The following CCDC85C variants were observed in gnomAD, a reference collection of about 807,000 sequenced individuals.
CCDC85C encodes coiled-coil domain containing 85C.
In CCDC85C, 18 loss-of-function variants were observed where a neutral mutation model predicts 38.3. The observed-to-expected ratio is 0.47, with a 90% CI of 0.33 to 0.70. CCDC85C has a LOEUF of 0.70. CCDC85C is among the 30% of genes least tolerant of loss of function. The pLI is 0.03. For missense variants in CCDC85C, 566 were observed against 621.2 expected (o/e 0.91, Z 0.94); for synonymous variants, 264 against 293.8 (o/e 0.90, Z 1.04).
intron 1 of CCDC85C, among the ~76,000 whole-genome samples, chr14:99,584,444 C>T (rs923499305): frequency 2.0e-4 from 30 of 152,094 alleles, no homozygotes; most frequent in African/African-American, 7.0e-4. Context: ...GCAGGCCACT[C>T]GGAGCACACA....
Position 99,540,854 on chromosome 14 carries a change from C to T in CCDC85C, c.794-4766G>A, listed in dbSNP as rs191484482. On this transcript the variant is annotated intron_variant, in intron 1 of 5. Coordinates refer to ENST00000380243, the MANE Select transcript of CCDC85C (RefSeq NM_001144995.2). ...AGCATGGTGGGGGGAGTCACAGAGC[C>T]TGCAGGTCTGCCAAGCCCTCCCCAT... is the stretch of plus-strand genomic sequence containing the variant. 6.7e-3 allele frequency among the ~76,000 whole-genome samples: 1,024 copies of T among 152,288 alleles called. 6 individuals carry two copies. Among genetic ancestry groups the T allele is most frequent in the African/African-American group, 0.023 (968 of 41,542 alleles).
chr14:99,586,404 G>C (rs1228724352), intron 1 of CCDC85C, among the ~76,000 whole-genome samples: 1 of 152,222 alleles, frequency 6.6e-6, no homozygotes, highest in Non-Finnish European at 1.5e-5. Flanking sequence ...AAAGGTCCAG[G>C]GTGCTGAATC....
rs1258908766 is a variant in CCDC85C at position 99,522,254 on chromosome 14, AAGG to A, written c.868-17_868-15del. On this transcript the variant is annotated splice_polypyrimidine_tract_variant and intron_variant, in intron 2 of 5. Coordinates refer to ENST00000380243, the MANE Select transcript of CCDC85C (RefSeq NM_001144995.2). ...GGAGCCTGCCTGCTGCAGGGGAGAGAAGGAGAGGGGTTAGACGGAGGGCCAGGC... is the reference window on the plus strand; with the variant it reads ...GGAGCCTGCCTGCTGCAGGGGAGAGAAGAGGGGTTAGACGGAGGGCCAGGC... The A allele has an allele frequency of 6.5e-7, 1 of 1,539,050 alleles. No homozygotes were observed. The highest frequency in any genetic ancestry group is 8.8e-7 in the Non-Finnish European group (1 of 1,141,262).
chr14:99,507,084 C>G lies in CCDC85C; in HGVS notation c.*8162G>C. On this transcript the variant is annotated 3_prime_UTR_variant, in exon 6 of 6. Transcript: ENST00000380243. ...CTGCTTTTTCTTTGTAGAACCACCA[C>G]CACCTAAAATCCCCAAAATTGAGAC... 1 of 1,605,676 alleles carries G rather than the reference C, an allele frequency of 6.2e-7. No homozygotes were observed. Among genetic ancestry groups the G allele is most frequent in the Middle Eastern group, 1.7e-4 (1 of 6,046 alleles).
intron 1 of CCDC85C, among the ~76,000 whole-genome samples, chr14:99,563,167 C>G (rs527992846): frequency 3.9e-5 from 6 of 152,364 alleles, no homozygotes; most frequent in Admixed American, 3.9e-4. Context: ...CCTCCACTCC[C>G]CAACCCAAGA....
Position 99,510,796 on chromosome 14 carries a change from T to TC in CCDC85C, c.*4449dup. The TC allele has an allele frequency of 2.1e-6, 3 of 1,413,112 alleles. No individual in the cohort carries two copies. Among genetic ancestry groups the TC allele is most frequent in the South Asian group, 1.9e-5 (1 of 52,034 alleles). 87.5% of individuals were successfully genotyped at this position (1,413,112 alleles called of 1,614,324 possible). A position where few individuals can be genotyped will look rare whatever the true frequency, so the allele number is the denominator to read the frequency against. On this transcript the variant is annotated 3_prime_UTR_variant, in exon 6 of 6. Transcript: ENST00000380243. ...TGGATGAGATAACGTGAGCCTTTTT[T>TC]CCCTCTTTGTTTTTTTAACAAGATT...
At chr14:99,554,509 A>C (rs972739401) in intron 1 of CCDC85C, among the ~76,000 whole-genome samples, 2 of 152,336 alleles carry the variant, frequency 1.3e-5, no homozygotes, top group East Asian at 1.9e-4. Flanking sequence ...GGGTAAGCGC[A>C]TGCTGGCAGC....
intron 1 of CCDC85C, among the ~76,000 whole-genome samples, chr14:99,578,050 A>T (rs201225320): frequency 0.05 from 3,569 of 70,682 alleles, 148 homozygotes; most frequent in African/African-American, 0.12. Context: ...CCCCCATCAG[A>T]GTGTGTGTGT....
chr14:99,577,047 G>C (rs1264493418), intron 1 of CCDC85C, among the ~76,000 whole-genome samples: 1 of 152,046 alleles, frequency 6.6e-6, no homozygotes, highest in Non-Finnish European at 1.5e-5. Context: ...GGCCTGGGGA[G>C]TCACAGCAGA....
chr14:99,501,792 G>A lies in CCDC85C; in HGVS notation c.*13454C>T, dbSNP rs1323856925. The A allele has an allele frequency of 8.5e-6, 2 of 234,388 alleles. No individual in the cohort carries two copies. The highest frequency in any genetic ancestry group is 8.2e-6 in the Non-Finnish European group (1 of 121,672). 14.5% of individuals were successfully genotyped at this position (234,388 alleles called of 1,614,324 possible). A position where few individuals can be genotyped will look rare whatever the true frequency, so the allele number is the denominator to read the frequency against. ...GAGGCCAGGGATCTAATGAGGGGCC[G>A]TGGTGGGAAACAGAATGCCTGTGAA... On this transcript the variant is annotated 3_prime_UTR_variant, in exon 6 of 6. Coordinates refer to ENST00000380243, the MANE Select transcript of CCDC85C (RefSeq NM_001144995.2).
In CCDC85C at chr14:99,535,838, C is replaced by G. The variant is rs1897585620; in HGVS notation, c.867+177G>C. ...CATGGAAGGTTGGGCAGAGGGAAGC[C>G]CAGAGGTGTGGGAGCCAGGGTTAGG... On this transcript the variant is annotated intron_variant, in intron 2 of 5. Coordinates refer to ENST00000380243, the MANE Select transcript of CCDC85C (RefSeq NM_001144995.2). This position sits in a 1 kb window ranked among gnomAD's most constrained non-coding sequence, Gnocchi z 5.5. Among the ~76,000 whole-genome samples, 1 of 152,112 alleles carries G rather than the reference C, an allele frequency of 6.6e-6. No individual in the cohort carries two copies. Among genetic ancestry groups the G allele is most frequent in the Admixed American group, 6.5e-5 (1 of 15,278 alleles).
At chr14:99,538,421 GGGCCCCT>G (rs1391898592) in intron 1 of CCDC85C, among the ~76,000 whole-genome samples, 1 of 152,228 alleles carries the variant, frequency 6.6e-6, no homozygotes, top group African/African-American at 2.4e-5. Context: ...CACGGCCACA[GGGCCCCT>G]GCTCACCACA....
At chr14:99,540,154 A>AG (rs10713458) in intron 1 of CCDC85C, among the ~76,000 whole-genome samples, 15 of 151,080 alleles carry the variant, frequency 9.9e-5, no homozygotes, top group South Asian at 2.1e-4. Flanking sequence ...TTAAAAAAAA[A>AG]GGGGGGGGAA....
In CCDC85C at chr14:99,545,692, G is replaced by C. The variant is rs1441796560; in HGVS notation, c.794-9604C>G. Reference sequence around the variant, plus strand: ...GTGCAGACATCAGCTAGTCCCGCCGGGGAGAGACATCTCACCACACAGCGG... The same window carrying C: ...GTGCAGACATCAGCTAGTCCCGCCGCGGAGAGACATCTCACCACACAGCGG... On this transcript the variant is annotated intron_variant, in intron 1 of 5. Coordinates refer to ENST00000380243, the MANE Select transcript of CCDC85C (RefSeq NM_001144995.2). The surrounding 1 kb of genome is among the most constrained non-coding windows in gnomAD (Gnocchi z 4.7). Among the ~76,000 whole-genome samples the C allele has an allele frequency of 6.6e-6, 1 of 152,018 alleles. No individual in the cohort carries two copies. Among genetic ancestry groups the C allele is most frequent in the Non-Finnish European group, 1.5e-5 (1 of 68,018 alleles).
chr14:99,539,800 T>C (rs1425110977), intron 1 of CCDC85C, among the ~76,000 whole-genome samples: 1 of 152,224 alleles, frequency 6.6e-6, no homozygotes, highest in Non-Finnish European at 1.5e-5. Context: ...ACATCGTTTC[T>C]TGTTAATTTT....
chr14:99,598,631 C>T lies in CCDC85C; in HGVS notation c.793+4536G>A, dbSNP rs527382568. Among the ~76,000 whole-genome samples, 43 of 152,282 alleles carry T rather than the reference C, an allele frequency of 2.8e-4. 1 individual carries two copies. The East Asian group carries it at 5.2e-3, about 19-fold the overall frequency. On this transcript the variant is annotated intron_variant, in intron 1 of 5. Coordinates refer to ENST00000380243, the MANE Select transcript of CCDC85C (RefSeq NM_001144995.2). Reference sequence around the variant, plus strand: ...GCCCTGTCTCTGTGGCAGAGGTCACCGCTCCCCTGGAACTCTCTGGGCAGC... The same window carrying T: ...GCCCTGTCTCTGTGGCAGAGGTCACTGCTCCCCTGGAACTCTCTGGGCAGC...
intron 1 of CCDC85C, among the ~76,000 whole-genome samples, chr14:99,539,571 C>T (rs1045406699): frequency 1.3e-5 from 2 of 151,982 alleles, no homozygotes; most frequent in African/African-American, 2.4e-5. Context: ...GAGGGTTCTA[C>T]CCTGTCATCA....
chr14:99,528,335 T>G (rs1163192571), intron 2 of CCDC85C, among the ~76,000 whole-genome samples: 7 of 152,150 alleles, frequency 4.6e-5, no homozygotes, highest in Non-Finnish European at 1.0e-4. Flanking sequence ...CCTGGACATC[T>G]ATTAGCCCAA....
chr14:99,517,182 C>A lies in CCDC85C; in HGVS notation c.977G>T (p.Gly326Val). 6.5e-7 allele frequency: 1 copy of A among 1,541,188 alleles called. No individual in the cohort carries two copies. Among genetic ancestry groups the A allele is most frequent in the Non-Finnish European group, 8.8e-7 (1 of 1,142,186 alleles). The change falls in exon 4 of 6, where the codon GGC (glycine) becomes GTC (valine). Residue 326 changes from glycine to valine, a missense_variant and splice_region_variant. Physicochemically the swap from Gly to Val is moderately radical, Grantham distance 109. Transcript: ENST00000380243. ...CAGCTCAGGTGCGGGGCAGGCCGGG[C>A]CCTGGGGAAGGCAATCACACATCTC... Reference protein sequence around the residue: ...PPSYQDSLQNGPACPAPELPS... With the variant: ...PPSYQDSLQNVPACPAPELPS...
Sources: allele counts gnomAD v4.1 joint callset (sites outside exome capture counted in the v4.1 genomes callset), GRCh38; gene constraint gnomAD v4.1.1; non-coding constraint Gnocchi (gnomAD v3.1); transcripts MANE v1.5; gene names NCBI Gene and HGNC (gene_info 2026-07-23, HGNC 2026-07-21).